The following SLC25A12 variants were observed in gnomAD, a reference collection of about 807,000 sequenced individuals.
The protein encoded by SLC25A12 is electrogenic aspartate/glutamate antiporter SLC25A12, mitochondrial.
Under a neutral mutation model 83.3 loss-of-function variants are expected in SLC25A12, and 32 were observed. That is an observed-to-expected ratio of 0.38 (90% CI 0.29 to 0.52). The LOEUF is 0.52. SLC25A12 is among the 20% of genes least tolerant of loss of function. The pLI is 0.84. For missense variants in SLC25A12, 611 were observed against 835.6 expected (o/e 0.73, Z 3.31); for synonymous variants, 267 against 291.1 (o/e 0.92, Z 0.84).
intron 5 of SLC25A12, among the ~76,000 whole-genome samples, chr2:171,839,532 T>G (rs1684629016): frequency 6.6e-6 from 1 of 152,122 alleles, no homozygotes; most frequent in Non-Finnish European, 1.5e-5. Context: ...TCAGAAACAG[T>G]GTGACTGGAT....
At chr2:171,831,964 G>A (rs1684440987) in intron 8 of SLC25A12, among the ~76,000 whole-genome samples, 2 of 151,836 alleles carry the variant, frequency 1.3e-5, no homozygotes, top group Admixed American at 6.5e-5. Flanking sequence ...GTCTACAAGT[G>A]TTGTGTGTGT....
At chr2:171,865,740 G>C (rs1573993385) in intron 3 of SLC25A12, among the ~76,000 whole-genome samples, 1 of 151,830 alleles carries the variant, frequency 6.6e-6, no homozygotes, top group East Asian at 1.9e-4. Context: ...TGGATCTCCA[G>C]TTAGTGTGGT....
In SLC25A12 at chr2:171,785,158, A is replaced by T. The variant is rs1690463494; in HGVS notation, c.*116T>A. The T allele has an allele frequency of 3.3e-6, 3 of 902,880 alleles. No individual in the cohort carries two copies. The South Asian group carries it at 4.2e-5, about 13-fold the overall frequency. The allele number at this position is 902,880 out of a possible 1,614,324, so 55.9% of individuals were successfully genotyped here. A position where few individuals can be genotyped will look rare whatever the true frequency, so the allele number is the denominator to read the frequency against. ...TATATGTATATGTCATACAGAAAGAAGAGTTTGACTCCTCAGCTCAGTCAG... is the reference window on the plus strand; with the variant it reads ...TATATGTATATGTCATACAGAAAGATGAGTTTGACTCCTCAGCTCAGTCAG... On this transcript the variant is annotated 3_prime_UTR_variant, in exon 18 of 18. Transcript: ENST00000422440.
intron 6 of SLC25A12, among the ~76,000 whole-genome samples, chr2:171,835,209 G>C (rs1684530580): frequency 6.6e-6 from 1 of 152,182 alleles, no homozygotes; most frequent in Non-Finnish European, 1.5e-5. Flanking sequence ...ACTCTTGCTA[G>C]TCCTGGATAA....
chr2:171,820,659 C>T (rs1391211725), intron 9 of SLC25A12, among the ~76,000 whole-genome samples: 1 of 136,940 alleles, frequency 7.3e-6, no homozygotes, highest in Non-Finnish European at 1.6e-5. Context: ...ACCCGGGAGG[C>T]GGAGCTTGCA....
chr2:171,880,674 A>G (rs1685672811), intron 2 of SLC25A12, among the ~76,000 whole-genome samples: 1 of 152,216 alleles, frequency 6.6e-6, no homozygotes, highest in Non-Finnish European at 1.5e-5. Context: ...GAGAGTTTGC[A>G]TAGTTCCCAA....
At chr2:171,821,999 A>AT (rs549527609) in intron 9 of SLC25A12, among the ~76,000 whole-genome samples, 12 of 152,106 alleles carry the variant, frequency 7.9e-5, no homozygotes, top group East Asian at 3.9e-4. Context: ...TGGGGTAGTG[A>AT]TTTTTTTTCC....
At chr2:171,836,077 CTCTT>C (rs1184100199) in intron 6 of SLC25A12, among the ~76,000 whole-genome samples, 1 of 152,288 alleles carries the variant, frequency 6.6e-6, no homozygotes, top group African/African-American at 2.4e-5. Flanking sequence ...CTCCCTTTCT[CTCTT>C]TCTCTCTCCC....
intron 14 of SLC25A12, 68 bp from the exon 15 acceptor site, chr2:171,791,657 T>C (rs1683464246): frequency 6.9e-7 from 1 of 1,454,406 alleles, no homozygotes; most frequent in Admixed American, 1.7e-5. Context: ...ATGGGATCCA[T>C]GTGACATTTG....
chr2:171,819,999 T>C (rs1251082383), intron 9 of SLC25A12, among the ~76,000 whole-genome samples: 12 of 152,248 alleles, frequency 7.9e-5, no homozygotes, highest in African/African-American at 2.9e-4. Context: ...TGTTCTCACT[T>C]ATAAGTGGGA....
At chr2:171,852,374 G>C (rs1220456898) in intron 4 of SLC25A12, among the ~76,000 whole-genome samples, 2 of 152,122 alleles carry the variant, frequency 1.3e-5, no homozygotes, top group African/African-American at 4.8e-5. Context: ...GCATAAATGA[G>C]AATATATACA....
At chr2:171,874,995 C>T (rs905481000) in intron 2 of SLC25A12, among the ~76,000 whole-genome samples, 7 of 152,190 alleles carry the variant, frequency 4.6e-5, no homozygotes, top group African/African-American at 1.7e-4. Flanking sequence ...ATTGGCTGTT[C>T]GCAATCAGAC....
chr2:171,813,620 A>G, intron 10 of SLC25A12, 123 bp from the exon 11 acceptor site: 1 of 1,123,770 alleles, frequency 8.9e-7, no homozygotes, highest in Non-Finnish European at 1.3e-6. Flanking sequence ...CACAAAAGAG[A>G]GTTTATTATT....
chr2:171,874,367 G>A (rs142302977), intron 2 of SLC25A12, among the ~76,000 whole-genome samples: 2 of 152,278 alleles, frequency 1.3e-5, no homozygotes, highest in Admixed American at 6.5e-5. Flanking sequence ...ACTCCAGCCT[G>A]GGTGACAAGA....
In SLC25A12 at chr2:171,866,668, G is replaced by A. The variant is rs539524845; in HGVS notation, c.209+2013C>T. Among the ~76,000 whole-genome samples the A allele has an allele frequency of 1.2e-3, 154 of 133,116 alleles. 2 individuals carry two copies. The highest frequency in any genetic ancestry group is 2.1e-3 in the Non-Finnish European group (132 of 61,996). The allele number at this position is 133,116 out of a possible 152,430, so 87.3% of individuals were successfully genotyped here. ...CCCCCACCTCCCTCCCGAACGGGGC[G>A]GCTGGCTGTGCAGAGGGGCTCCTCA... On this transcript the variant is annotated intron_variant, in intron 3 of 17. Coordinates refer to ENST00000422440, the MANE Select transcript of SLC25A12 (RefSeq NM_003705.5).
At chr2:171,878,394 G>A (rs1249642860) in intron 2 of SLC25A12, among the ~76,000 whole-genome samples, 3 of 143,254 alleles carry the variant, frequency 2.1e-5, no homozygotes, top group Admixed American at 2.0e-4. Flanking sequence ...ACTTGAAATA[G>A]TTACTGTAAA....
chr2:171,854,300 G>A (rs187741407), intron 4 of SLC25A12, among the ~76,000 whole-genome samples: 3 of 152,208 alleles, frequency 2.0e-5, no homozygotes, highest in Admixed American at 6.5e-5. Flanking sequence ...CAGGCGCGGT[G>A]GCTCAGGCCT....
chr2:171,874,035 T>C (rs2105921904), intron 2 of SLC25A12, among the ~76,000 whole-genome samples: 1 of 152,250 alleles, frequency 6.6e-6, no homozygotes, highest in Non-Finnish European at 1.5e-5. Context: ...GAGACCAGCC[T>C]GACCAACATG....
At chr2:171,840,827 C>T (rs1684658633) in intron 5 of SLC25A12, among the ~76,000 whole-genome samples, 1 of 152,060 alleles carries the variant, frequency 6.6e-6, no homozygotes, top group African/African-American at 2.4e-5. Flanking sequence ...TAAAAATAAA[C>T]TCACACCAAG....
Sources: gnomAD v4.1 joint callset for allele counts (sites outside exome capture counted in the v4.1 genomes callset) on GRCh38, gnomAD v4.1.1 for gene constraint, MANE v1.5 for transcripts, NCBI Gene and HGNC (gene_info 2026-07-23, HGNC 2026-07-21) for gene names.